The following TRIM5 variants were observed in gnomAD, a reference collection of about 807,000 sequenced individuals.
The protein encoded by TRIM5 is tripartite motif containing 5, also known as tripartite motif-containing protein 5.
Under a neutral mutation model 35.6 loss-of-function variants are expected in TRIM5, and 31 were observed. The observed-to-expected ratio is 0.87, with a 90% CI of 0.65 to 1.18. The LOEUF is 1.18. Among genes scored for constraint, TRIM5 ranks in the 50% most tolerant of loss-of-function variants. The pLI is 0.00. For synonymous variants in TRIM5, 243 were observed against 215.6 expected (o/e 1.13, Z -1.11); for missense variants, 609 against 591.6 (o/e 1.03, Z -0.31).
At chr11:5,619,249 A>G in the TRIM5 span, among the ~76,000 whole-genome samples, 1 of 151,424 alleles carries the variant, frequency 6.6e-6, no homozygotes, top group Non-Finnish European at 1.5e-5. Flanking sequence ...GATTGCCATT[A>G]TCAATATTTT....
downstream of TRIM5, among the ~76,000 whole-genome samples, chr11:5,658,446 A>C (rs1473406890): frequency 6.6e-6 from 1 of 152,176 alleles, no homozygotes; most frequent in East Asian, 1.9e-4. Flanking sequence ...CTGATACGTT[A>C]AGGCAAGAAC....
the TRIM5 span, among the ~76,000 whole-genome samples, chr11:5,625,966 T>C: frequency 6.6e-6 from 1 of 152,270 alleles, no homozygotes; most frequent in African/African-American, 2.4e-5. Context: ...GAATTTGATA[T>C]AGAGTATGTC....
At chr11:5,611,508 CACTGGCGCAA>C in the TRIM5 span, 3 of 646,236 alleles carry the variant, frequency 4.6e-6, no homozygotes, top group Admixed American at 3.0e-5. Context: ...GGCTGGAGTG[CACTGGCGCAA>C]TCTCGGCTCA....
the TRIM5 span, chr11:5,643,708 G>C: frequency 6.4e-7 from 1 of 1,572,184 alleles, no homozygotes; most frequent in Non-Finnish European, 8.6e-7. Context: ...CCAAGCTCTT[G>C]AATTTTCTCA....
chr11:5,593,036 G>A, the TRIM5 span, among the ~76,000 whole-genome samples: 1 of 152,036 alleles, frequency 6.6e-6, no homozygotes, highest in Admixed American at 6.6e-5. Flanking sequence ...CATTAATTAG[G>A]TCCATGTTTG....
chr11:5,677,344 C>T (rs1159175816), intron 4 of TRIM5, among the ~76,000 whole-genome samples: 4 of 152,162 alleles, frequency 2.6e-5, no homozygotes, highest in Non-Finnish European at 5.9e-5. Flanking sequence ...CCAAAAAGCA[C>T]ATGAAAAAAT....
the TRIM5 span, among the ~76,000 whole-genome samples, chr11:5,600,198 C>G: frequency 6.6e-6 from 1 of 152,098 alleles, no homozygotes; most frequent in African/African-American, 2.4e-5. Flanking sequence ...CTGCAGCCTG[C>G]GTATCTGCAT....
chr11:5,651,992 GT>G, the TRIM5 span, among the ~76,000 whole-genome samples: 1 of 151,954 alleles, frequency 6.6e-6, no homozygotes, highest in Non-Finnish European at 1.5e-5. Context: ...TAATGGGGTT[GT>G]TTGTTTTCTG....
At chr11:5,603,132 A>T in the TRIM5 span, 1 of 1,492,022 alleles carries the variant, frequency 6.7e-7, no homozygotes, top group Non-Finnish European at 8.9e-7. Flanking sequence ...TGAGAATGAG[A>T]AGCCCTTGTT....
chr11:5,589,111 G>A, the TRIM5 span: 1 of 152,004 alleles, frequency 6.6e-6, no homozygotes, highest in Admixed American at 6.6e-5. Context: ...ACCTATCTCA[G>A]ACAATTGAAG....
chr11:5,601,652 G>T, the TRIM5 span, among the ~76,000 whole-genome samples: 1 of 152,248 alleles, frequency 6.6e-6, no homozygotes, highest in Non-Finnish European at 1.5e-5. Context: ...CAGCTACTCA[G>T]GAGGCTGAGG....
the TRIM5 span, among the ~76,000 whole-genome samples, chr11:5,623,105 C>CTTTTTTTTTT: frequency 1.9e-5 from 2 of 106,836 alleles, no homozygotes; most frequent in Non-Finnish European, 3.7e-5. Context: ...CTGTCTGGAG[C>CTTTTTTTTTT]TTTTTTTTTT....
chr11:5,669,083 T>C (rs1289948283), intron 4 of TRIM5, among the ~76,000 whole-genome samples: 2 of 149,626 alleles, frequency 1.3e-5, no homozygotes, highest in Admixed American at 6.7e-5. Context: ...CTACATTCTT[T>C]TTTTTTTTTT....
At chr11:5,672,226 T>G (rs1851636864) in intron 4 of TRIM5, among the ~76,000 whole-genome samples, 1 of 152,164 alleles carries the variant, frequency 6.6e-6, no homozygotes, top group African/African-American at 2.4e-5. Context: ...TTCTTTCTTT[T>G]TTTGAGACAG....
chr11:5,669,225 G>A (rs1354147901), intron 4 of TRIM5, among the ~76,000 whole-genome samples: 3 of 151,922 alleles, frequency 2.0e-5, no homozygotes, highest in Non-Finnish European at 2.9e-5. Flanking sequence ...GATTACAGGC[G>A]TGCGCCACCA....
rs760714681 is a variant in TRIM5 at position 5,667,699 on chromosome 11, C to T, written c.757G>A (p.Val253Ile). ...TCCTCCCACACATACCTTTTTATGA[C>T]GCCATCCACACCCTAGGAAGAAGAG... is the stretch of plus-strand genomic sequence containing the variant. ...VMELLQGVDG[V>I]IKRTENVTLK... Residue 253 changes from valine (V) to isoleucine (I), a missense_variant, in exon 5 of 8, where the codon GTC becomes ATC. Val to Ile is a conservative substitution (Grantham distance 29). Coordinates refer to ENST00000380034, the MANE Select transcript of TRIM5 (RefSeq NM_033034.3). The T allele has an allele frequency of 2.9e-5, 47 of 1,613,510 alleles. 1 individual carries two copies. The highest frequency in any genetic ancestry group is 2.2e-4 in the South Asian group (20 of 91,050).
chr11:5,601,242 T>C, the TRIM5 span, among the ~76,000 whole-genome samples: 1 of 152,234 alleles, frequency 6.6e-6, no homozygotes, highest in Non-Finnish European at 1.5e-5. Context: ...GTCAAAGTTA[T>C]GAGTTTGAGG....
At chr11:5,667,757 C>T (rs777333445) in intron 4 of TRIM5, 46 bp from the exon 5 acceptor site, 5 of 1,602,112 alleles carry the variant, frequency 3.1e-6, no homozygotes, top group Non-Finnish European at 4.3e-6. Flanking sequence ...AAGAGTCTCT[C>T]CTCACTTATA....
the TRIM5 span, chr11:5,641,178 A>G: frequency 6.2e-7 from 1 of 1,613,670 alleles, no homozygotes; most frequent in Admixed American, 1.7e-5. Context: ...ACATGAGTGG[A>G]ATCATGAAAT....
Sources: gnomAD v4.1 joint callset for allele counts (sites outside exome capture counted in the v4.1 genomes callset) on GRCh38, gnomAD v4.1.1 for gene constraint, MANE v1.5 for transcripts, NCBI Gene and HGNC (gene_info 2026-07-23, HGNC 2026-07-21) for gene names.